VWA8: variants seen among roughly 807,000 people sequenced by gnomAD.
The protein encoded by VWA8 is von Willebrand factor A domain containing 8, also known as von Willebrand factor A domain-containing protein 8.
Under a neutral mutation model 241.5 loss-of-function variants are expected in VWA8, and 221 were observed. The observed-to-expected ratio is 0.91, with a 90% CI of 0.82 to 1.02. The LOEUF (loss-of-function observed/expected upper bound fraction) is 1.02. Ranked by LOEUF, VWA8 falls within the 50% of genes least tolerant of loss-of-function variation. The probability of loss-of-function intolerance (pLI) is 0.00; values close to 1 mark genes in which losing one functional copy is unlikely to be tolerated. For synonymous variants in VWA8, 852 were observed against 827.1 expected, an observed-to-expected ratio of 1.03 and a Z score of -0.52; for missense variants, 2,322 against 2,328.7, an observed-to-expected ratio of 1.00 and a Z score of 0.06.
Position 41,961,058 on chromosome 13 carries a change from T to C in VWA8, c.-43A>G. The C allele has an allele frequency of 1.5e-5, 20 of 1,351,916 alleles. No individual in the cohort carries two copies. The highest frequency in any genetic ancestry group is 1.9e-5 in the Non-Finnish European group (20 of 1,057,022). The allele number at this position is 1,351,916 out of a possible 1,614,324, so 83.7% of individuals were successfully genotyped here. A position where few individuals can be genotyped will look rare whatever the true frequency, so the allele number is the denominator to read the frequency against. ...CGGGGACGGCGAGGGGGCTCGGGGA[T>C]CGAGCGGCGTCCCGTGCAGGCACCG... On this transcript the variant is annotated 5_prime_UTR_variant, in exon 1 of 45. Transcript: ENST00000379310.
chr13:41,673,040 C>T (rs576325903), intron 36 of VWA8, among the ~76,000 whole-genome samples: 1 of 152,088 alleles, frequency 6.6e-6, no homozygotes, highest in Non-Finnish European at 1.5e-5. Flanking sequence ...GAAGAAATTA[C>T]ATATTTACTA....
chr13:41,740,310 A>G (rs957005196), intron 21 of VWA8, among the ~76,000 whole-genome samples: 1 of 152,096 alleles, frequency 6.6e-6, no homozygotes, highest in Admixed American at 6.5e-5. Context: ...AACTTCTTTT[A>G]CTCTCTAGCC....
At chr13:41,798,148 C>A (rs1418555692) in intron 17 of VWA8, among the ~76,000 whole-genome samples, 1 of 152,156 alleles carries the variant, frequency 6.6e-6, no homozygotes, top group Admixed American at 6.5e-5. Context: ...GCATTAATCT[C>A]TTTTTCCAGT....
At chr13:41,662,472 T>C (rs1487850166) in intron 37 of VWA8, among the ~76,000 whole-genome samples, 3 of 151,798 alleles carry the variant, frequency 2.0e-5, no homozygotes, top group Non-Finnish European at 4.4e-5. Context: ...AGAAATATAA[T>C]TGATTTTTGG....
At chr13:41,890,031 G>A (rs1260155454) in intron 5 of VWA8, among the ~76,000 whole-genome samples, 1 of 152,112 alleles carries the variant, frequency 6.6e-6, no homozygotes, top group African/African-American at 2.4e-5. Context: ...TTAAATCCTT[G>A]ATTATCTCCT....
At chr13:41,893,454 GCTTT>G (rs770056545) in intron 4 of VWA8, among the ~76,000 whole-genome samples, 36 of 144,652 alleles carry the variant, frequency 2.5e-4, no homozygotes, top group South Asian at 8.6e-4. Context: ...TGTTCTAGAA[GCTTT>G]ATTTAAAAAA....
intron 21 of VWA8, among the ~76,000 whole-genome samples, chr13:41,754,455 G>A (rs1054834198): frequency 6.6e-6 from 1 of 152,046 alleles, no homozygotes; most frequent in Non-Finnish European, 1.5e-5. Context: ...TCAGCAGCAT[G>A]AAAACAGACT....
chr13:41,607,644 GGGAGGGGAT>G (rs1196203426), intron 39 of VWA8, among the ~76,000 whole-genome samples: 1 of 152,016 alleles, frequency 6.6e-6, no homozygotes, highest in African/African-American at 2.4e-5. Flanking sequence ...CTGTGGGGTG[GGGAGGGGAT>G]GGAGGAGAGA....
intron 17 of VWA8, among the ~76,000 whole-genome samples, chr13:41,789,677 G>A (rs1365306128): frequency 2.0e-5 from 3 of 152,160 alleles, no homozygotes; most frequent in African/African-American, 7.2e-5. Context: ...TAGCAAAGAA[G>A]TCTGTTAAGG....
intron 37 of VWA8, among the ~76,000 whole-genome samples, chr13:41,643,547 C>CAG (rs2139682959): frequency 1.3e-5 from 2 of 152,318 alleles, no homozygotes; most frequent in African/African-American, 4.8e-5. Context: ...TTCTACCCTG[C>CAG]CACTTTCCAC....
chr13:41,726,722 T>C (rs1245548428), intron 24 of VWA8, among the ~76,000 whole-genome samples: 2 of 152,152 alleles, frequency 1.3e-5, no homozygotes, highest in South Asian at 2.1e-4. Context: ...GGGCCGGGCA[T>C]GGTGGCTCAC....
chr13:41,653,665 A>G (rs2044883041), intron 37 of VWA8, among the ~76,000 whole-genome samples: 1 of 152,218 alleles, frequency 6.6e-6, no homozygotes, highest in South Asian at 2.1e-4. Context: ...AAACTATACT[A>G]CAAGGCTACA....
At chr13:41,681,445 G>A (rs1331681792) in intron 35 of VWA8, among the ~76,000 whole-genome samples, 1 of 151,950 alleles carries the variant, frequency 6.6e-6, no homozygotes, top group Non-Finnish European at 1.5e-5. Flanking sequence ...AACAGACCAA[G>A]TTGCAGAAGA....
In VWA8 at chr13:41,719,622, C is replaced by T; in HGVS notation, c.3085G>A (p.Ala1029Thr). 6.2e-7 allele frequency: 1 copy of T among 1,613,070 alleles called. No individual in the cohort carries two copies. Among genetic ancestry groups the T allele is most frequent in the Non-Finnish European group, 8.5e-7 (1 of 1,179,346 alleles). Residue 1029 changes from alanine (A) to threonine (T), a missense_variant, in exon 26 of 45, where the codon GCA becomes ACA. Transcript: ENST00000379310. ...GCCAGCTGCACACTGGTAGGCTTTG[C>T]TCCGATAGGTATCCCGTATTTGTGT... is the stretch of plus-strand genomic sequence containing the variant. ...TLHKYGIPIG[A>T]KPTSVQLAKE...
intron 14 of VWA8, among the ~76,000 whole-genome samples, chr13:41,820,321 CATT>C: frequency 6.6e-6 from 1 of 152,168 alleles, no homozygotes; most frequent in Middle Eastern, 3.4e-3. Flanking sequence ...TTAACTATAA[CATT>C]ATATTACAAC....
chr13:41,670,484 C>T (rs994828719), intron 37 of VWA8, among the ~76,000 whole-genome samples: 2 of 151,910 alleles, frequency 1.3e-5, no homozygotes, highest in African/African-American at 2.4e-5. Context: ...TGATAAAAAA[C>T]GTTCTATTGG....
At chr13:41,659,022 G>A (rs1209233093) in intron 37 of VWA8, among the ~76,000 whole-genome samples, 1 of 152,170 alleles carries the variant, frequency 6.6e-6, no homozygotes, top group Non-Finnish European at 1.5e-5. Context: ...GTTTAATTAT[G>A]TCAATGGATG....
rs557141538 is a variant in VWA8 at position 41,871,273 on chromosome 13, A to G, written c.1081-2796T>C. 2.0e-5 allele frequency among the ~76,000 whole-genome samples: 3 copies of G among 152,306 alleles called. No individual in the cohort carries two copies. In the East Asian group the frequency reaches 5.8e-4, roughly 29 times the overall value. ...ATTTCCTATGAATTCTTGAATTTCAATTAAACAGTATTAACATTTTCTTTT... is the reference window on the plus strand; with the variant it reads ...ATTTCCTATGAATTCTTGAATTTCAGTTAAACAGTATTAACATTTTCTTTT... On this transcript the variant is annotated intron_variant, in intron 9 of 44. Transcript: ENST00000379310.
intron 26 of VWA8, among the ~76,000 whole-genome samples, chr13:41,705,649 T>C (rs1263474535): frequency 6.6e-6 from 1 of 152,196 alleles, no homozygotes; most frequent in Non-Finnish European, 1.5e-5. Context: ...TCCATTGTTT[T>C]CTCTAAGTAT....
Sources: gnomAD v4.1 joint callset for allele counts (sites outside exome capture counted in the v4.1 genomes callset) on GRCh38, gnomAD v4.1.1 for gene constraint, MANE v1.5 for transcripts, NCBI Gene and HGNC (gene_info 2026-07-23, HGNC 2026-07-21) for gene names.